The following GON4L variants were observed in gnomAD, a reference collection of about 807,000 sequenced individuals.
GON4L encodes GON-4-like protein.
Under a neutral mutation model 211.8 loss-of-function variants are expected in GON4L, and 87 were observed. That is an observed-to-expected ratio of 0.41 (90% confidence interval 0.35 to 0.49). The LOEUF (loss-of-function observed/expected upper bound fraction) is 0.49, where lower values mean the gene tolerates loss of function less well. GON4L is among the 20% of genes least tolerant of loss of function. The probability of loss-of-function intolerance (pLI) is 0.15; values close to 1 mark genes in which losing one functional copy is unlikely to be tolerated. For missense variants in GON4L, 2,155 were observed against 2,659.5 expected (o/e 0.81, Z 4.17); for synonymous variants, 875 against 962.6 (o/e 0.91, Z 1.68).
At chr1:155,756,886 G>A (rs1237653627) in intron 27 of GON4L, 72 bp downstream of exon 27, 9 of 1,140,886 alleles carry the variant, frequency 7.9e-6, no homozygotes, top group African/African-American at 6.1e-5. Context: ...CCAAGATTAC[G>A]CCACTGCACT....
intron 2 of GON4L, among the ~76,000 whole-genome samples, chr1:155,829,628 A>G (rs1669557419): frequency 6.6e-6 from 1 of 152,188 alleles, no homozygotes; most frequent in Non-Finnish European, 1.5e-5. Context: ...AAAAATAAAC[A>G]ATATAAATTA....
chr1:155,827,171 A>T, intron 2 of GON4L, 143 bp from the exon 3 acceptor site: 1 of 689,996 alleles, frequency 1.4e-6, no homozygotes. Flanking sequence ...CCTCTCTTAA[A>T]TCAAAGCTCA....
chr1:155,778,399 G>A (rs1051241100), intron 14 of GON4L, among the ~76,000 whole-genome samples: 9 of 152,038 alleles, frequency 5.9e-5, no homozygotes, highest in African/African-American at 1.9e-4. Flanking sequence ...CTATAGGCAC[G>A]TGCCACCACG....
At chr1:155,847,570 C>T (rs950589615) in intron 2 of GON4L, among the ~76,000 whole-genome samples, 2 of 152,012 alleles carry the variant, frequency 1.3e-5, no homozygotes, top group African/African-American at 2.4e-5. Flanking sequence ...GGCATGGTAG[C>T]GGGTACCTAT....
intron 19 of GON4L, 119 bp from the exon 20 acceptor site, chr1:155,767,660 C>G: frequency 7.0e-7 from 1 of 1,419,250 alleles, no homozygotes; most frequent in South Asian, 1.3e-5. Context: ...CACACACACA[C>G]ACAAGACCAC....
At chr1:155,799,773 AGCTACCATCTTAG>A (rs1262885666) in intron 11 of GON4L, among the ~76,000 whole-genome samples, 3 of 152,222 alleles carry the variant, frequency 2.0e-5, no homozygotes, top group Non-Finnish European at 2.9e-5. Flanking sequence ...CCTTCCCAAT[AGCTACCATCTTAG>A]GCCTTTGAAC....
chr1:155,803,936 C>T (rs1417267724), intron 11 of GON4L, among the ~76,000 whole-genome samples: 1 of 152,204 alleles, frequency 6.6e-6, no homozygotes, highest in African/African-American at 2.4e-5. Context: ...AACAGTGCCT[C>T]AGTTCCACTG....
chr1:155,764,092 A>G (rs1294496333), intron 21 of GON4L, among the ~76,000 whole-genome samples: 1 of 152,068 alleles, frequency 6.6e-6, no homozygotes, highest in Non-Finnish European at 1.5e-5. Context: ...GATAGCTGAC[A>G]TTCGGCCTGA....
chr1:155,812,659 G>A (rs752840058), intron 10 of GON4L, among the ~76,000 whole-genome samples: 2 of 151,508 alleles, frequency 1.3e-5, no homozygotes, highest in Admixed American at 1.3e-4. Context: ...GGGTTCAAGC[G>A]ATTCTCCTGC....
intron 2 of GON4L, among the ~76,000 whole-genome samples, chr1:155,842,985 G>C (rs1557924976): frequency 6.6e-6 from 1 of 152,120 alleles, no homozygotes; most frequent in Non-Finnish European, 1.5e-5. Context: ...ACCTGTCCCG[G>C]ATTAAACAAA....
rs1661658472 is a variant in GON4L at position 155,760,317 on chromosome 1, T to G, written c.5109+127A>C. 3 of 586,152 alleles carry G rather than the reference T, an allele frequency of 5.1e-6. No homozygotes were observed. In the East Asian group the frequency reaches 8.3e-5, roughly 16 times the overall value. 36.3% of individuals were successfully genotyped at this position (586,152 alleles called of 1,614,324 possible). A position where few individuals can be genotyped will look rare whatever the true frequency, so the allele number is the denominator to read the frequency against. ...GAAAAGACAGAGGCTTTTATCACTC[T>G]GGGCTAGGGGATGGCTGTGTGTCTG... On this transcript the variant is annotated intron_variant, in intron 24 of 31. Coordinates refer to ENST00000368331, the MANE Select transcript of GON4L (RefSeq NM_001282860.2).
At chr1:155,815,760 AC>A (rs1668180758) in intron 8 of GON4L, 44 bp downstream of exon 8, 4 of 1,092,180 alleles carry the variant, frequency 3.7e-6, no homozygotes, top group Middle Eastern at 4.0e-4. Context: ...AGCAAAGTAT[AC>A]CCTGCTCTAT....
At chr1:155,781,152 T>C (rs1664381614) in intron 14 of GON4L, among the ~76,000 whole-genome samples, 1 of 151,138 alleles carries the variant, frequency 6.6e-6, no homozygotes, top group Non-Finnish European at 1.5e-5. Flanking sequence ...TTACTATTAT[T>C]TTTTTTTGAG....
chr1:155,820,506 A>T, intron 6 of GON4L, 100 bp downstream of exon 6: 1 of 804,378 alleles, frequency 1.2e-6, no homozygotes, highest in Non-Finnish European at 2.2e-6. Flanking sequence ...TAAAGAGGCA[A>T]ATTCAGACCA....
chr1:155,813,972 C>T (rs822012), intron 9 of GON4L, among the ~76,000 whole-genome samples, 168 bp from the exon 10 acceptor site: 127,204 of 152,244 alleles, frequency 0.84, 55,585 homozygotes, highest in East Asian at 1. Flanking sequence ...GTGTATTGAT[C>T]TAATTAGTTT....
At chr1:155,817,089 A>T (rs1271800025) in intron 6 of GON4L, among the ~76,000 whole-genome samples, 2 of 152,156 alleles carry the variant, frequency 1.3e-5, no homozygotes, top group Non-Finnish European at 2.9e-5. Flanking sequence ...TCCTGAGCTC[A>T]AGCGATCCTC....
intron 1 of GON4L, among the ~76,000 whole-genome samples, chr1:155,854,190 C>T (rs1672064606): frequency 6.6e-6 from 1 of 152,154 alleles, no homozygotes; most frequent in Non-Finnish European, 1.5e-5. Context: ...CTCACTCTGT[C>T]TCCCAGGCTG....
chr1:155,786,930 T>G (rs890459713), intron 12 of GON4L, among the ~76,000 whole-genome samples: 6 of 150,624 alleles, frequency 4.0e-5, no homozygotes, highest in Admixed American at 2.0e-4. Context: ...GTTTTTTCGT[T>G]TTTTTTTTTG....
intron 14 of GON4L, 108 bp from the exon 15 acceptor site, chr1:155,777,928 T>C (rs1663999111): frequency 4.0e-6 from 3 of 743,208 alleles, no homozygotes; most frequent in Admixed American, 3.9e-5. Flanking sequence ...CATTCCCTAC[T>C]AATCCCCCAT....
Sources: allele counts gnomAD v4.1 joint callset (sites outside exome capture counted in the v4.1 genomes callset), GRCh38; gene constraint gnomAD v4.1.1; transcripts MANE v1.5; gene names NCBI Gene and HGNC (gene_info 2026-07-23, HGNC 2026-07-21).